Variants in KLHL21 observed in about 807,000 individuals in gnomAD.
KLHL21 encodes kelch like family member 21, also known as kelch-like protein 21.
A neutral mutation model predicts 44.1 loss-of-function variants in KLHL21; 42 were observed. The observed-to-expected ratio is 0.95, with a 90% CI of 0.74 to 1.23. KLHL21 has a LOEUF of 1.23. Among genes scored for constraint, KLHL21 ranks in the 50% most tolerant of loss-of-function variants. KLHL21 has a pLI of 0.00. For synonymous variants in KLHL21, 524 were observed against 411.6 expected (o/e 1.27, Z -3.31); for missense variants, 918 against 889.1 (o/e 1.03, Z -0.41).
rs760669785 is a variant in KLHL21 at position 6,602,265 on chromosome 1, G to A, written c.553C>T (p.Leu185=). The A allele has an allele frequency of 6.4e-6, 10 of 1,552,188 alleles. No individual in the cohort carries two copies. The highest frequency in any genetic ancestry group is 7.8e-6 in the Non-Finnish European group (9 of 1,156,330). The change falls in exon 1 of 4, where the codon CTG becomes TTG. Residue 185 remains leucine, a synonymous_variant. Transcript: ENST00000377658. ...GGCACACACAGCCCGTCGTCCCGCA[G>A]GTAGCGCAGCAGGCGCGCCAGTGGC... The part of the protein sequence containing the change: ...RLPLARLLRY[L]RDDGLCVPKE...
In KLHL21 at chr1:6,600,198, G is replaced by A. The variant is rs189617499; in HGVS notation, c.1022-746C>T. Reference sequence around the variant, plus strand: ...GTGGCTGGGACAACAGGCACATGCCGCCACACCCAGCTAATTTTTGTATTT... The same window carrying A: ...GTGGCTGGGACAACAGGCACATGCCACCACACCCAGCTAATTTTTGTATTT... On this transcript the variant is annotated intron_variant, in intron 1 of 3. Transcript: ENST00000377658. 8.0e-3 allele frequency among the ~76,000 whole-genome samples: 1,217 copies of A among 152,064 alleles called. 15 individuals are homozygous for A. Among genetic ancestry groups the A allele is most frequent in the African/African-American group, 0.028 (1,149 of 41,454 alleles).
Position 6,602,634 on chromosome 1 carries a change from G to A in KLHL21, c.184C>T (p.Arg62Cys), listed in dbSNP as rs1641051097. The A allele has an allele frequency of 2.0e-6, 3 of 1,517,272 alleles. No homozygotes were observed. Among genetic ancestry groups the A allele is most frequent in the South Asian group, 1.2e-5 (1 of 81,784 alleles). 94.0% of individuals were successfully genotyped at this position (1,517,272 alleles called of 1,614,324 possible). The change falls in exon 1 of 4, where the codon CGC (arginine) becomes TGC (cysteine). Residue 62 changes from arginine (R) to cysteine (C), a missense_variant. Transcript: ENST00000377658. ...AVLAAASPYF[R>C]AMFAGQLRES... The stretch of plus-strand genomic sequence containing the variant: ...CGCAGCTGCCCCGCGAACATGGCGC[G>A]GAAGTAGGGGCTGGCGGCGGCCAGC...
rs1370736854 is a variant in KLHL21, at chr1:6,602,171, T to TGCGCG, written c.642_646dup (p.His216ProfsTer126). 48 of 1,429,316 alleles carry TGCGCG rather than the reference T, an allele frequency of 3.4e-5. No individual in the cohort carries two copies. The highest frequency in any genetic ancestry group is 2.3e-4 in the Middle Eastern group (1 of 4,444). The allele number at this position is 1,429,316 out of a possible 1,614,324, so 88.5% of individuals were successfully genotyped here. On this transcript the variant is annotated frameshift_variant, in exon 1 of 4. Coordinates refer to ENST00000377658, the MANE Select transcript of KLHL21 (RefSeq NM_014851.4). LOFTEE classifies it high-confidence loss of function. ...CACGGCCTCCAGCAGCTGCGGCCAGTGCGCGGCGCGGCGCGGCGGGTCAGC... is the reference window on the plus strand; with the variant it reads ...CACGGCCTCCAGCAGCTGCGGCCAGTGCGCGGCGCGGCGCGGCGCGGCGGGTCAGC...
Position 6,601,933 on chromosome 1 carries a change from G to C in KLHL21, c.885C>G (p.Asp295Glu). Residue 295 changes from aspartate (D) to glutamate (E), a missense_variant, in exon 1 of 4, where the codon GAC becomes GAG. Transcript: ENST00000377658. ...CAGTGACCAGCTCGTCACAGTCCTG[G>C]TCGCAGCCGCCCACGAGCACGAGGA... ...AEILVLVGGC[D>E]QDCDELVTVD... The C allele has an allele frequency of 6.4e-7, 1 of 1,561,162 alleles. No homozygotes were observed. Among genetic ancestry groups the C allele is most frequent in the Non-Finnish European group, 8.7e-7 (1 of 1,153,262 alleles).
In KLHL21 at chr1:6,593,322, T is replaced by C; in HGVS notation, c.*43A>G. On this transcript the variant is annotated 3_prime_UTR_variant, in exon 4 of 4. Coordinates refer to ENST00000377658, the MANE Select transcript of KLHL21 (RefSeq NM_014851.4). ...GGAGTGGGGCACTGCCCCGCAGAGG[T>C]GCCAGTTACCTGCACCGAGGCCCGT... is the stretch of plus-strand genomic sequence containing the variant. 1.3e-6 allele frequency: 2 copies of C among 1,515,652 alleles called. No individual in the cohort carries two copies. The highest frequency in any genetic ancestry group is 1.8e-6 in the Non-Finnish European group (2 of 1,130,648). 93.9% of individuals were successfully genotyped at this position (1,515,652 alleles called of 1,614,324 possible).
At chr1:6,601,497 G>A (rs985204921) in intron 1 of KLHL21, among the ~76,000 whole-genome samples, 4 of 152,214 alleles carry the variant, frequency 2.6e-5, no homozygotes, top group African/African-American at 9.6e-5. Flanking sequence ...CGGGGTGAAT[G>A]CCCCAGTATC....
intron 3 of KLHL21, chr1:6,595,066 A>G: frequency 2.8e-6 from 1 of 359,174 alleles, no homozygotes; most frequent in Non-Finnish European, 5.0e-6. Flanking sequence ...TCAAAAATAA[A>G]AAAGGTAGGT....
rs764449219 is a variant in KLHL21 at position 6,593,598 on chromosome 1, C to T, written c.1561G>A (p.Asp521Asn). The T allele has an allele frequency of 1.6e-5, 25 of 1,612,652 alleles. No homozygotes were observed. Among genetic ancestry groups the T allele is most frequent in the South Asian group, 7.7e-5 (7 of 91,024 alleles). ...ACGTCCGAGAGTTCAAATGTATTGT[C>T]GTATCCCCCAGAGACGTACAGCTTC... ...GGKLYVSGGY[D>N]NTFELSDVVE... Residue 521 changes from aspartate to asparagine, a missense_variant, in exon 4 of 4, where the codon GAC becomes AAC. Asp to Asn is a conservative substitution (Grantham distance 23). Coordinates refer to ENST00000377658, the MANE Select transcript of KLHL21 (RefSeq NM_014851.4).
rs947340204 is a variant in KLHL21 at position 6,602,862 on chromosome 1, G to A, written c.-45C>T. The A allele has an allele frequency of 9.2e-5, 127 of 1,377,152 alleles. No individual in the cohort carries two copies. The highest frequency in any genetic ancestry group is 1.4e-4 in the African/African-American group (9 of 64,974). 85.3% of individuals were successfully genotyped at this position (1,377,152 alleles called of 1,614,324 possible). ...CGAGGACGCCGCGGCCGGGGCCTGC[G>A]GAGAGACGCGGCGCGCTAGGCACCG... is the stretch of plus-strand genomic sequence containing the variant. On this transcript the variant is annotated 5_prime_UTR_variant, in exon 1 of 4. Coordinates refer to ENST00000377658, the MANE Select transcript of KLHL21 (RefSeq NM_014851.4).
rs1420202412 is a variant in KLHL21, at chr1:6,599,291, A to T, written c.1183T>A (p.Tyr395Asn). 6 of 1,614,004 alleles carry T rather than the reference A, an allele frequency of 3.7e-6. No individual in the cohort carries two copies. Among genetic ancestry groups the T allele is most frequent in the Non-Finnish European group, 5.1e-6 (6 of 1,180,006 alleles). ...TCCCAGGAGTCAGTGGTGTGGTCATAGCGCTCGGTGCTGTCGGCGGCCACC... is the reference window on the plus strand; with the variant it reads ...TCCCAGGAGTCAGTGGTGTGGTCATTGCGCTCGGTGCTGTCGGCGGCCACC... ...YVVAADSTER[Y>N]DHTTDSWEAL... is the part of the protein sequence containing the mutation. Residue 395 changes from tyrosine to asparagine, a missense_variant, in exon 2 of 4, where the codon TAT becomes AAT. Tyr to Asn is a moderately radical substitution (Grantham distance 143). Coordinates refer to ENST00000377658, the MANE Select transcript of KLHL21 (RefSeq NM_014851.4).
Position 6,593,432 on chromosome 1 carries a change from T to C in KLHL21, c.1727A>G (p.Asp576Gly). 6.2e-7 allele frequency: 1 copy of C among 1,612,880 alleles called. No homozygotes were observed. Among genetic ancestry groups the C allele is most frequent in the Non-Finnish European group, 8.5e-7 (1 of 1,179,774 alleles). ...TGGGTCCATGTCATCGCTGCCACTG[T>C]CCAACTCGAAGCCACGCCCACCCGA... ...TFSGGRGFEL[D>G]SGSDDMDPGR... The change falls in exon 4 of 4, where the codon GAC (aspartate) becomes GGC (glycine). Residue 576 changes from aspartate (D) to glycine (G), a missense_variant. Coordinates refer to ENST00000377658, the MANE Select transcript of KLHL21 (RefSeq NM_014851.4).
chr1:6,598,627 A>G (rs1366436210), intron 2 of KLHL21, among the ~76,000 whole-genome samples: 1 of 152,198 alleles, frequency 6.6e-6, no homozygotes, highest in Non-Finnish European at 1.5e-5. Flanking sequence ...TCACGCCCGT[A>G]ATCCCAGCAC....
Position 6,599,472 on chromosome 1 carries a change from G to C in KLHL21, c.1022-20C>G, listed in dbSNP as rs372784949. 8 of 1,584,232 alleles carry C rather than the reference G, an allele frequency of 5.0e-6. No homozygotes were observed. The African/African-American group carries it at 1.1e-4, about 21-fold the overall frequency. On this transcript the variant is annotated intron_variant, in intron 1 of 3. Coordinates refer to ENST00000377658, the MANE Select transcript of KLHL21 (RefSeq NM_014851.4). ...ACCCACCTGCCAGGACGCATGACAG[G>C]CAGAAGATCAGCCCACTCAGGTGAG...
rs1267086403 is a variant in KLHL21 at position 6,602,320 on chromosome 1, G to T, written c.498C>A (p.Gly166=). 1 of 1,554,170 alleles carries T rather than the reference G, an allele frequency of 6.4e-7. No individual in the cohort carries two copies. The highest frequency in any genetic ancestry group is 1.2e-5 in the South Asian group (1 of 85,388). The part of the protein sequence containing the change: ...AAQRFILRHV[G]ELGAEQLERL... Reference sequence around the variant, plus strand: ...GCTCCAGCTGCTCGGCGCCCAGCTCGCCCACGTGGCGCAGAATGAACCGCT... The same window carrying T: ...GCTCCAGCTGCTCGGCGCCCAGCTCTCCCACGTGGCGCAGAATGAACCGCT... Residue 166 remains glycine, a synonymous_variant, in exon 1 of 4, where the codon GGC becomes GGA. Transcript: ENST00000377658.
At chr1:6,599,746 A>T in intron 1 of KLHL21, 1 of 438,864 alleles carries the variant, frequency 2.3e-6, no homozygotes, top group South Asian at 2.7e-5. Flanking sequence ...CCAGCCATAC[A>T]TACACCTCAG....
chr1:6,594,704 TAA>T (rs878994294), intron 3 of KLHL21: 7 of 132,800 alleles, frequency 5.3e-5, no homozygotes, highest in Admixed American at 7.6e-5. Context: ...AGACTCCGTA[TAA>T]AAAAAAAAAA....
chr1:6,598,899 A>G (rs1386181450), intron 2 of KLHL21, 148 bp downstream of exon 2: 2 of 851,302 alleles, frequency 2.3e-6, no homozygotes, highest in Non-Finnish European at 3.5e-6. Flanking sequence ...AAAACAAAAC[A>G]AAAACAAAGA....
chr1:6,599,119 T>C lies in KLHL21; in HGVS notation c.1355A>G (p.Asp452Gly). 6.2e-7 allele frequency: 1 copy of C among 1,613,518 alleles called. No homozygotes were observed. The highest frequency in any genetic ancestry group is 8.5e-7 in the Non-Finnish European group (1 of 1,179,824). ...DPDTDLWSLV[D>G]CGQLPPWSFA... ...GGACCAGGGCGGGAGCTGGCCGCAGTCCACCAGCGACCACAGGTCGGTGTC... is the reference window on the plus strand; with the variant it reads ...GGACCAGGGCGGGAGCTGGCCGCAGCCCACCAGCGACCACAGGTCGGTGTC... Residue 452 changes from aspartate to glycine, a missense_variant, in exon 2 of 4, where the codon GAC (aspartate) becomes GGC (glycine). Physicochemically the swap from Asp to Gly is moderately conservative, Grantham distance 94. Coordinates refer to ENST00000377658, the MANE Select transcript of KLHL21 (RefSeq NM_014851.4).
In KLHL21 at chr1:6,593,241, T is replaced by G; in HGVS notation, c.*124A>C. 9.3e-7 allele frequency: 1 copy of G among 1,071,740 alleles called. No homozygotes were observed. The highest frequency in any genetic ancestry group is 1.3e-6 in the Non-Finnish European group (1 of 760,994). 66.4% of individuals were successfully genotyped at this position (1,071,740 alleles called of 1,614,324 possible). On this transcript the variant is annotated 3_prime_UTR_variant, in exon 4 of 4. Coordinates refer to ENST00000377658, the MANE Select transcript of KLHL21 (RefSeq NM_014851.4). ...CCAGGTAATGGATCCTGGGCTGGCT[T>G]CGCCACCCAAGAGCCTGTGCTCCTC...
Sources: gnomAD v4.1 joint callset for allele counts (sites outside exome capture counted in the v4.1 genomes callset) on GRCh38, gnomAD v4.1.1 for gene constraint, MANE v1.5 for transcripts, NCBI Gene and HGNC (gene_info 2026-07-23, HGNC 2026-07-21) for gene names.